C2orf92: variants seen among roughly 807,000 people sequenced by gnomAD.
C2orf92 encodes uncharacterized protein C2orf92.
At chr2:97,681,594 C>CA (rs1406916729) in intron 3 of C2orf92, among the ~76,000 whole-genome samples, 1 of 152,212 alleles carries the variant, frequency 6.6e-6, no homozygotes, top group Non-Finnish European at 1.5e-5. Context: ...AGGATCTTCT[C>CA]ACGCCTGTAA....
chr2:97,692,295 C>A (rs970750570), intron 5 of C2orf92, among the ~76,000 whole-genome samples: 1 of 152,002 alleles, frequency 6.6e-6, no homozygotes, highest in Non-Finnish European at 1.5e-5. Flanking sequence ...TATCATTATA[C>A]TCTCTACCTA....
chr2:97,698,969 G>A (rs1676405359), intron 5 of C2orf92, 57 bp from the exon 6 acceptor site: 3 of 397,464 alleles, frequency 7.5e-6, no homozygotes, highest in African/African-American at 4.1e-5. Context: ...TATCATAAAC[G>A]CTGAACTAAT....
intron 3 of C2orf92, among the ~76,000 whole-genome samples, chr2:97,679,895 T>C (rs962302711): frequency 1.4e-5 from 2 of 141,024 alleles, no homozygotes; most frequent in Non-Finnish European, 3.2e-5. Flanking sequence ...TGGAACATTA[T>C]AAAGAACCAA....
At chr2:97,666,265 C>T (rs1174560648), upstream of C2orf92, among the ~76,000 whole-genome samples, 1 of 144,530 alleles carries the variant, frequency 6.9e-6, no homozygotes, top group Non-Finnish European at 1.5e-5. Flanking sequence ...GGGCCGGGCG[C>T]GGTGGCTTAT....
chr2:97,674,193 GA>G (rs1255844249), intron 1 of C2orf92: 1 of 295,882 alleles, frequency 3.4e-6, no homozygotes, highest in African/African-American at 2.2e-5. Context: ...GAAGAAGAAG[GA>G]GAATTATGGC....
intron 3 of C2orf92, among the ~76,000 whole-genome samples, chr2:97,679,561 G>A (rs1452781502): frequency 6.6e-6 from 1 of 152,090 alleles, no homozygotes; most frequent in East Asian, 1.9e-4. Context: ...AAGAGTCGAA[G>A]CCAGGCAGGG....
chr2:97,683,805 GTAGAA>G (rs1675862396), intron 3 of C2orf92, among the ~76,000 whole-genome samples: 1 of 152,086 alleles, frequency 6.6e-6, no homozygotes, highest in African/African-American at 2.4e-5. Context: ...ACATAGACCA[GTAGAA>G]TAGAATAGAA....
rs34110454 is a variant in C2orf92, at chr2:97,700,730, G to GTT, written c.515-414_515-413dup. 6.7e-4 allele frequency among the ~76,000 whole-genome samples: 98 copies of GTT among 145,808 alleles called. 1 individual carries two copies. Among genetic ancestry groups the GTT allele is most frequent in the Non-Finnish European group, 7.8e-4 (52 of 66,798 alleles). Reference sequence around the variant, plus strand: ...AGTGGCTAAGATGCCAAGGTTTTTTGTTTTTTTTTTTGAGATGGAGTCTCA... The same window carrying GTT: ...AGTGGCTAAGATGCCAAGGTTTTTTGTTTTTTTTTTTTTGAGATGGAGTCTCA... On this transcript the variant is annotated intron_variant, in intron 6 of 7. Coordinates refer to ENST00000627399, the MANE Select transcript of C2orf92 (RefSeq NM_001351368.2).
intron 5 of C2orf92, among the ~76,000 whole-genome samples, chr2:97,692,406 T>A (rs1031396475): frequency 1.5e-4 from 22 of 148,420 alleles, no homozygotes; most frequent in Non-Finnish European, 2.7e-4. Context: ...TAGTTTTACT[T>A]CTTTTTTTTT....
At chr2:97,690,116 G>A (rs1468489043) in intron 4 of C2orf92, 140 bp from the exon 5 acceptor site, 7 of 347,996 alleles carry the variant, frequency 2.0e-5, no homozygotes, top group Admixed American at 4.8e-5. Context: ...GGGTGACTGC[G>A]AGACTCTGTC....
At chr2:97,692,232 A>T (rs1676162301) in intron 5 of C2orf92, among the ~76,000 whole-genome samples, 1 of 151,988 alleles carries the variant, frequency 6.6e-6, no homozygotes, top group Non-Finnish European at 1.5e-5. Context: ...TCTTAAGTTT[A>T]TTCCTAAGTC....
intron 5 of C2orf92, among the ~76,000 whole-genome samples, chr2:97,693,690 G>A (rs781385782): frequency 2.0e-5 from 3 of 152,150 alleles, no homozygotes. Flanking sequence ...TCTTGGGCCT[G>A]GGCCCAGCTT....
At chr2:97,698,752 A>T (rs1267005142) in intron 5 of C2orf92, among the ~76,000 whole-genome samples, 1 of 152,210 alleles carries the variant, frequency 6.6e-6, no homozygotes, top group East Asian at 1.9e-4. Flanking sequence ...CTGTGTTTTC[A>T]TAAGCCCTCC....
At chr2:97,684,031 AT>A (rs1204247684) in intron 3 of C2orf92, among the ~76,000 whole-genome samples, 4,061 of 107,198 alleles carry the variant, frequency 0.038, 169 homozygotes, top group African/African-American at 0.14. Context: ...TGCCCAGCTA[AT>A]TTTTTTTTTT....
At chr2:97,674,282 A>G (rs973215720) in intron 1 of C2orf92, 174 bp from the exon 2 acceptor site, 1 of 390,648 alleles carries the variant, frequency 2.6e-6, no homozygotes, top group African/African-American at 2.1e-5. Context: ...TGCCATTAAA[A>G]TGTTCTGGAA....
upstream of C2orf92, chr2:97,664,817 C>T (rs1382899777): frequency 1.3e-5 from 2 of 152,210 alleles, no homozygotes; most frequent in Non-Finnish European, 2.9e-5. Context: ...TTAAGCGATC[C>T]TCCCGCTTAG....
chr2:97,664,867 G>T (rs1482919613), upstream of C2orf92: 3 of 152,182 alleles, frequency 2.0e-5, no homozygotes, highest in African/African-American at 7.2e-5. Flanking sequence ...CAGCTATTGC[G>T]CACGGCCCCA....
rs77307867 is a variant in C2orf92 at position 97,678,629 on chromosome 2, A to G, written c.232+2701A>G. Among the ~76,000 whole-genome samples the G allele has an allele frequency of 5.9e-5, 9 of 152,226 alleles. No homozygotes were observed. In the East Asian group the frequency reaches 1.5e-3, roughly 26 times the overall value. Reference sequence around the variant, plus strand: ...CCACTCATTTCTCCGCAACAACCACAGAGGGTAGGAGGCAGTAGGATGGCA... The same window carrying G: ...CCACTCATTTCTCCGCAACAACCACGGAGGGTAGGAGGCAGTAGGATGGCA... On this transcript the variant is annotated intron_variant, in intron 3 of 7. Coordinates refer to ENST00000627399, the MANE Select transcript of C2orf92 (RefSeq NM_001351368.2).
At chr2:97,673,890 G>T (rs1675490658) in intron 1 of C2orf92, among the ~76,000 whole-genome samples, 1 of 152,184 alleles carries the variant, frequency 6.6e-6, no homozygotes, top group South Asian at 2.1e-4. Flanking sequence ...ATCTTTAGGA[G>T]GGTGGGCTTG....
Sources: gnomAD v4.1 joint callset for allele counts (sites outside exome capture counted in the v4.1 genomes callset) on GRCh38, gnomAD v4.1.1 for gene constraint, MANE v1.5 for transcripts, NCBI Gene and HGNC (gene_info 2026-07-23, HGNC 2026-07-21) for gene names.